Variants in MTHFS observed in about 807,000 individuals in gnomAD.
MTHFS encodes methenyltetrahydrofolate synthetase.
Under a neutral mutation model 12.7 loss-of-function variants are expected in MTHFS, and 7 were observed. The observed-to-expected ratio is 0.55, with a 90% CI of 0.31 to 1.03. The LOEUF (loss-of-function observed/expected upper bound fraction) is 1.03. Among genes scored for constraint, MTHFS ranks in the 50% least tolerant of loss-of-function variants. The probability of loss-of-function intolerance (pLI) is 0.05; values close to 1 mark genes in which losing one functional copy is unlikely to be tolerated. For synonymous variants in MTHFS, 100 were observed against 97.1 expected, an observed-to-expected ratio of 1.03 and a Z score of -0.18; for missense variants, 252 against 258.1, an observed-to-expected ratio of 0.98 and a Z score of 0.16.
intron 2 of MTHFS, among the ~76,000 whole-genome samples, chr15:79,878,989 T>C (rs1199448371): frequency 6.6e-6 from 1 of 151,130 alleles, no homozygotes; most frequent in Admixed American, 6.6e-5. Context: ...TGAATACTAA[T>C]CTGAAACAGA....
chr15:79,896,734 G>A (rs1050380874), intron 1 of MTHFS, 138 bp downstream of exon 1: 2 of 975,400 alleles, frequency 2.1e-6, no homozygotes, highest in African/African-American at 5.9e-5. Context: ...GCGCCGGGAG[G>A]GGAAACGTGC....
At chr15:79,890,207 CTTTTTTT>C (rs71150999) in intron 1 of MTHFS, among the ~76,000 whole-genome samples, 45 of 100,736 alleles carry the variant, frequency 4.5e-4, no homozygotes, top group African/African-American at 6.3e-4. Flanking sequence ...CTCTTTTTTC[CTTTTTTT>C]TTTTTTTTTT....
rs143791971 is a variant in MTHFS at position 79,896,542 on chromosome 15, G to A, written c.117+330C>T. Among the ~76,000 whole-genome samples the A allele has an allele frequency of 2.7e-3, 414 of 152,284 alleles. 3 individuals carry two copies. Among genetic ancestry groups the A allele is most frequent in the African/African-American group, 9.6e-3 (399 of 41,562 alleles). On this transcript the variant is annotated intron_variant, in intron 1 of 2. Coordinates refer to ENST00000258874, the MANE Select transcript of MTHFS (RefSeq NM_006441.4). The stretch of plus-strand genomic sequence containing the variant: ...CTCACCGTGCTCTCACCACAGCACC[G>A]TCATCCCCACGGAGGGTTTTCGAGC...
At chr15:79,882,613 A>G (rs528700456) in intron 2 of MTHFS, among the ~76,000 whole-genome samples, 17 of 152,322 alleles carry the variant, frequency 1.1e-4, no homozygotes, top group African/African-American at 4.1e-4. Flanking sequence ...TCACTCACAC[A>G]GGGTGCAGCA....
At chr15:79,861,745 A>G (rs566388997) in intron 2 of MTHFS, among the ~76,000 whole-genome samples, 4 of 152,374 alleles carry the variant, frequency 2.6e-5, no homozygotes, top group African/African-American at 9.6e-5. Context: ...ATGCTATGTA[A>G]CCACTTAAAA....
chr15:79,874,783 G>A (rs374694074), intron 2 of MTHFS, among the ~76,000 whole-genome samples: 13 of 152,206 alleles, frequency 8.5e-5, no homozygotes, highest in Non-Finnish European at 8.8e-5. Flanking sequence ...AGAATTCAGC[G>A]ATATTTCTCC....
At chr15:79,846,462 C>T (rs926852744) in intron 2 of MTHFS, among the ~76,000 whole-genome samples, 6 of 152,170 alleles carry the variant, frequency 3.9e-5, no homozygotes, top group African/African-American at 1.4e-4. Flanking sequence ...CATGAATTCT[C>T]CAGAACAGCA....
At chr15:79,880,781 A>C (rs1298949490) in intron 2 of MTHFS, among the ~76,000 whole-genome samples, 1 of 142,592 alleles carries the variant, frequency 7.0e-6, no homozygotes, top group East Asian at 2.1e-4. Context: ...AATCCCTGCA[A>C]GTAGTAAAGC....
rs8923 is a variant in MTHFS at position 79,845,218 on chromosome 15, T to C, written c.604A>G (p.Thr202Ala). The C allele has an allele frequency of 0.085, 137,535 of 1,614,148 alleles. 6,373 individuals carry two copies. The highest frequency in any genetic ancestry group is 0.096 in the Non-Finnish European group (113,539 of 1,179,988). The change falls in exon 3 of 3, where the codon ACA becomes GCA. Residue 202 changes from threonine to alanine, a missense_variant. Transcript: ENST00000258874. Reference sequence around the variant, plus strand: ...GCTGTAGTAATCCAGATTTAAGCTGTTGACGAGTCTTCGTAAAGGACTTCA... The same window carrying C: ...GCTGTAGTAATCCAGATTTAAGCTGCTGACGAGTCTTCGTAAAGGACTTCA... The part of the protein sequence containing the change: ...VDEVLYEDSS[T>A]A
rs550216878 is a variant in MTHFS, at chr15:79,868,932, G to A, written c.379+20161C>T. The stretch of plus-strand genomic sequence containing the variant: ...CACAAACATAAAACTTATTGGTTCT[G>A]AGAACTCTGACTATACACTAGGTGC... On this transcript the variant is annotated intron_variant, in intron 2 of 2. Coordinates refer to ENST00000258874, the MANE Select transcript of MTHFS (RefSeq NM_006441.4). 2.3e-3 allele frequency among the ~76,000 whole-genome samples: 344 copies of A among 152,120 alleles called. 3 individuals are homozygous for A. Among genetic ancestry groups the A allele is most frequent in the African/African-American group, 8.0e-3 (332 of 41,480 alleles).
chr15:79,848,413 G>A (rs2033657277), intron 2 of MTHFS, among the ~76,000 whole-genome samples: 1 of 152,210 alleles, frequency 6.6e-6, no homozygotes, highest in African/African-American at 2.4e-5. Context: ...AAAAGTTCTA[G>A]AGATCTGCTG....
intron 2 of MTHFS, among the ~76,000 whole-genome samples, chr15:79,885,970 G>A (rs2034376076): frequency 6.6e-6 from 1 of 152,204 alleles, no homozygotes; most frequent in South Asian, 2.1e-4. Flanking sequence ...ACTTGCATTG[G>A]AAAAATTCCT....
intron 1 of MTHFS, among the ~76,000 whole-genome samples, chr15:79,892,205 CAAGA>C (rs1566999938): frequency 6.6e-6 from 1 of 151,640 alleles, no homozygotes; most frequent in Non-Finnish European, 1.5e-5. Flanking sequence ...GAAAAGAATC[CAAGA>C]AAGACAAAGA....
At chr15:79,871,992 C>A (rs1298406858) in intron 2 of MTHFS, among the ~76,000 whole-genome samples, 2 of 149,854 alleles carry the variant, frequency 1.3e-5, no homozygotes, top group Non-Finnish European at 3.0e-5. Context: ...GTAATCCCAG[C>A]TACTAGGGGT....
At chr15:79,882,483 A>G (rs984323954) in intron 2 of MTHFS, among the ~76,000 whole-genome samples, 1 of 152,348 alleles carries the variant, frequency 6.6e-6, no homozygotes, top group Middle Eastern at 3.4e-3. Flanking sequence ...AACCAATCTA[A>G]GTATTACTCC....
intron 2 of MTHFS, among the ~76,000 whole-genome samples, chr15:79,849,513 C>T (rs1179294574): frequency 6.6e-6 from 1 of 152,192 alleles, no homozygotes; most frequent in Non-Finnish European, 1.5e-5. Context: ...TTCCCTCACA[C>T]ACACTGGTCC....
chr15:79,858,029 A>AAC lies in MTHFS; in HGVS notation c.380-12588_380-12587insGT, dbSNP rs1292634566. 3.9e-3 allele frequency among the ~76,000 whole-genome samples: 587 copies of AAC among 151,322 alleles called. 11 individuals are homozygous for AAC. Among genetic ancestry groups the AAC allele is most frequent in the African/African-American group, 0.014 (562 of 40,948 alleles). On this transcript the variant is annotated intron_variant, in intron 2 of 2. Coordinates refer to ENST00000258874, the MANE Select transcript of MTHFS (RefSeq NM_006441.4). ...AGACTCCATCTCAAAAAAAAAAAAA[A>AAC]AAAAAACATAATCCTCTCTAAAACC...
chr15:79,885,179 T>C (rs1008047765), intron 2 of MTHFS, among the ~76,000 whole-genome samples: 3 of 152,192 alleles, frequency 2.0e-5, no homozygotes, highest in African/African-American at 7.2e-5. Flanking sequence ...GTACTGATCA[T>C]GAACAACCTA....
At chr15:79,845,533 T>A in intron 2 of MTHFS, 91 bp from the exon 3 acceptor site, 1 of 1,455,264 alleles carries the variant, frequency 6.9e-7, no homozygotes, top group Non-Finnish European at 9.2e-7. Flanking sequence ...ACATCAATTC[T>A]TTCTCTGATT....
Sources: gnomAD v4.1 joint callset for allele counts (sites outside exome capture counted in the v4.1 genomes callset) on GRCh38, gnomAD v4.1.1 for gene constraint, MANE v1.5 for transcripts, NCBI Gene and HGNC (gene_info 2026-07-23, HGNC 2026-07-21) for gene names.